Variants in EXT1 observed in about 807,000 individuals in gnomAD.
The protein encoded by EXT1 is exostosin-1.
EXT1 carries 20 observed loss-of-function variants against 82.5 expected under a neutral mutation model. The observed-to-expected ratio is 0.24, with a 90% CI of 0.17 to 0.35. The LOEUF is 0.35. EXT1 is among the 10% of genes least tolerant of loss of function. The pLI, the probability that EXT1 is intolerant of heterozygous loss-of-function variation, is 1.00. For synonymous variants in EXT1, 348 were observed against 350.8 expected, an observed-to-expected ratio of 0.99 and a Z score of 0.09; for missense variants, 757 against 936.5, an observed-to-expected ratio of 0.81 and a Z score of 2.50.
chr8:117,899,648 T>C (rs569537301), intron 1 of EXT1, among the ~76,000 whole-genome samples: 30 of 151,906 alleles, frequency 2.0e-4, no homozygotes, highest in African/African-American at 7.2e-4. Flanking sequence ...AATCTATTAA[T>C]CCAACTAGAG....
chr8:118,049,095 C>T (rs1262314279), intron 1 of EXT1, among the ~76,000 whole-genome samples: 1 of 152,052 alleles, frequency 6.6e-6, no homozygotes, highest in Admixed American at 6.5e-5. Flanking sequence ...GGTTAGATCA[C>T]ATAAAAATAT....
intron 1 of EXT1, among the ~76,000 whole-genome samples, chr8:117,951,447 T>C (rs944329720): frequency 6.6e-6 from 1 of 152,210 alleles, no homozygotes; most frequent in Non-Finnish European, 1.5e-5. Flanking sequence ...CACCAATTTC[T>C]GAGATGTAAA....
At chr8:117,841,392 T>C (rs934985066) in intron 1 of EXT1, among the ~76,000 whole-genome samples, 1 of 151,878 alleles carries the variant, frequency 6.6e-6, no homozygotes, top group Admixed American at 6.6e-5. Flanking sequence ...GAGGTTGCCA[T>C]TGGTTGGGGG....
At chr8:117,888,939 T>C (rs1813196404) in intron 1 of EXT1, among the ~76,000 whole-genome samples, 1 of 152,228 alleles carries the variant, frequency 6.6e-6, no homozygotes, top group African/African-American at 2.4e-5. Flanking sequence ...TTCTCGCTGA[T>C]GCAAAAACCT....
At chr8:117,825,853 A>G (rs1812000365) in intron 4 of EXT1, among the ~76,000 whole-genome samples, 1 of 152,232 alleles carries the variant, frequency 6.6e-6, no homozygotes, top group South Asian at 2.1e-4. Context: ...AATGAAGCAT[A>G]CTTCATTAAA....
chr8:117,861,989 T>C (rs1435594691), intron 1 of EXT1, among the ~76,000 whole-genome samples: 1 of 145,836 alleles, frequency 6.9e-6, no homozygotes, highest in Admixed American at 7.0e-5. Flanking sequence ...CGGACATTAG[T>C]GTGAAACTTT....
Position 118,033,116 on chromosome 8 carries a change from T to C in EXT1, c.962+76969A>G, listed in dbSNP as rs1193796879. On this transcript the variant is annotated intron_variant, in intron 1 of 10. Transcript: ENST00000378204. ...AAATATGTGCCCACTCCCTGTTCTC[T>C]TATACTAGGCCAGTCTACATATTTG... is the stretch of plus-strand genomic sequence containing the variant. 2.0e-5 allele frequency among the ~76,000 whole-genome samples: 3 copies of C among 152,192 alleles called. No individual in the cohort carries two copies. The East Asian group carries it at 5.8e-4, about 29-fold the overall frequency.
chr8:117,914,316 T>A (rs1382113943), intron 1 of EXT1, among the ~76,000 whole-genome samples: 1 of 152,232 alleles, frequency 6.6e-6, no homozygotes, highest in Non-Finnish European at 1.5e-5. Context: ...AAGCTGAGGA[T>A]GTACGTCAGG....
chr8:117,952,187 C>T (rs1814502877), intron 1 of EXT1, among the ~76,000 whole-genome samples: 1 of 152,122 alleles, frequency 6.6e-6, no homozygotes, highest in African/African-American at 2.4e-5. Flanking sequence ...TCATAAAAAT[C>T]CTGTTTTTAA....
At chr8:117,803,203 C>A (rs1225669315) in intron 10 of EXT1, among the ~76,000 whole-genome samples, 1 of 150,674 alleles carries the variant, frequency 6.6e-6, no homozygotes, top group African/African-American at 2.4e-5. Context: ...TTTTCTTTTT[C>A]TTTTTTTTTG....
chr8:117,951,525 C>G (rs1424033405), intron 1 of EXT1, among the ~76,000 whole-genome samples: 2 of 152,218 alleles, frequency 1.3e-5, no homozygotes, highest in African/African-American at 4.8e-5. Context: ...AAGAATGAGT[C>G]ATGGCTCTGC....
At chr8:117,984,547 G>T (rs1000405490) in intron 1 of EXT1, among the ~76,000 whole-genome samples, 2 of 152,154 alleles carry the variant, frequency 1.3e-5, no homozygotes, top group African/African-American at 2.4e-5. Flanking sequence ...GATACCTTGG[G>T]AAGAGTGGTC....
chr8:118,083,689 G>A (rs187073911), intron 1 of EXT1, among the ~76,000 whole-genome samples: 2 of 152,220 alleles, frequency 1.3e-5, no homozygotes, highest in African/African-American at 4.8e-5. Flanking sequence ...CTAAACTCAA[G>A]AATCAAGCAC....
chr8:117,806,510 C>A (rs892350545), intron 9 of EXT1, among the ~76,000 whole-genome samples: 2 of 152,226 alleles, frequency 1.3e-5, no homozygotes, highest in South Asian at 2.1e-4. Context: ...ATCCATGCCC[C>A]CTGACTTTTC....
chr8:117,855,787 G>A (rs1812536463), intron 1 of EXT1, among the ~76,000 whole-genome samples: 1 of 152,168 alleles, frequency 6.6e-6, no homozygotes, highest in African/African-American at 2.4e-5. Context: ...TCCTGCCTCA[G>A]CCTCCTGAGT....
chr8:118,088,913 C>T (rs1452317425), intron 1 of EXT1, among the ~76,000 whole-genome samples: 1 of 152,158 alleles, frequency 6.6e-6, no homozygotes, highest in Admixed American at 6.5e-5. Context: ...TATCCATACA[C>T]CTTTAACTAG....
chr8:117,920,670 C>G (rs954741201), intron 1 of EXT1, among the ~76,000 whole-genome samples: 4 of 152,188 alleles, frequency 2.6e-5, no homozygotes, highest in Non-Finnish European at 5.9e-5. Context: ...GCCTTACAGT[C>G]GCTCATTAGT....
intron 1 of EXT1, among the ~76,000 whole-genome samples, chr8:118,030,847 C>T (rs1306565395): frequency 6.6e-6 from 1 of 152,126 alleles, no homozygotes; most frequent in Admixed American, 6.6e-5. Context: ...TCCTGCTTTT[C>T]CCCTTCCAAA....
At chr8:117,825,066 C>T (rs775722158) in intron 4 of EXT1, among the ~76,000 whole-genome samples, 2 of 151,854 alleles carry the variant, frequency 1.3e-5, no homozygotes, top group Non-Finnish European at 2.9e-5. Flanking sequence ...GAGATAAGGT[C>T]TCATTATGTT....
Sources: gnomAD v4.1 joint callset for allele counts (sites outside exome capture counted in the v4.1 genomes callset) on GRCh38, gnomAD v4.1.1 for gene constraint, MANE v1.5 for transcripts, NCBI Gene and HGNC (gene_info 2026-07-23, HGNC 2026-07-21) for gene names.